Variants in MAGI3 observed in about 807,000 individuals in gnomAD.
MAGI3 encodes the protein membrane associated guanylate kinase, WW and PDZ domain containing 3.
A neutral mutation model predicts 121.8 loss-of-function variants in MAGI3; 43 were observed. The ratio of observed to expected loss-of-function variants is 0.35; its 90% CI spans 0.28 to 0.46. MAGI3 has a LOEUF of 0.46. MAGI3 is among the 20% of genes least tolerant of loss of function. The pLI is 1.00. For synonymous variants in MAGI3, 553 were observed against 639.3 expected, an observed-to-expected ratio of 0.86 and a Z score of 2.04; for missense variants, 1,547 against 1,797.3, an observed-to-expected ratio of 0.86 and a Z score of 2.52.
chr1:113,631,102 G>A (rs1046241347), intron 9 of MAGI3, among the ~76,000 whole-genome samples: 4 of 152,106 alleles, frequency 2.6e-5, no homozygotes, highest in Admixed American at 2.0e-4. Flanking sequence ...CTTGTGACAG[G>A]GGAGCACTGA....
intron 2 of MAGI3, among the ~76,000 whole-genome samples, chr1:113,575,603 C>T (rs1447230583): frequency 6.6e-6 from 1 of 152,204 alleles, no homozygotes; most frequent in South Asian, 2.1e-4. Flanking sequence ...CCAGCCAGAG[C>T]TCTCCTGTAT....
At chr1:113,578,505 T>G (rs1180666618) in intron 2 of MAGI3, among the ~76,000 whole-genome samples, 1 of 152,088 alleles carries the variant, frequency 6.6e-6, no homozygotes, top group Non-Finnish European at 1.5e-5. Flanking sequence ...ACTGCATCCT[T>G]CAACTCCTGG....
At chr1:113,508,688 A>G (rs1657465819) in intron 1 of MAGI3, among the ~76,000 whole-genome samples, 1 of 152,208 alleles carries the variant, frequency 6.6e-6, no homozygotes, top group South Asian at 2.1e-4. Flanking sequence ...TTGTTCTTTT[A>G]AATGTACCTA....
rs151013061 is a variant in MAGI3 at position 113,504,066 on chromosome 1, T to A, written c.317-45449T>A. ...AGTAAAAAACTAGAAAAGAACCAGATGTTAGAAAGGAGATTTCTTAACAAA... is the reference window on the plus strand; with the variant it reads ...AGTAAAAAACTAGAAAAGAACCAGAAGTTAGAAAGGAGATTTCTTAACAAA... On this transcript the variant is annotated intron_variant, in intron 1 of 20. Coordinates refer to ENST00000307546, the MANE Select transcript of MAGI3 (RefSeq NM_001142782.2). Among the ~76,000 whole-genome samples the A allele has an allele frequency of 7.2e-5, 11 of 152,178 alleles. No homozygotes were observed. The East Asian group carries it at 2.1e-3, about 29-fold the overall frequency.
intron 1 of MAGI3, among the ~76,000 whole-genome samples, chr1:113,468,672 A>T (rs896801864): frequency 2.0e-5 from 3 of 152,210 alleles, no homozygotes; most frequent in African/African-American, 7.2e-5. Flanking sequence ...TATAAAAAAG[A>T]ATGAATTTGT....
chr1:113,583,463 A>T (rs193193057), intron 3 of MAGI3, among the ~76,000 whole-genome samples: 2 of 152,220 alleles, frequency 1.3e-5, no homozygotes, highest in East Asian at 1.9e-4. Flanking sequence ...CCCTTAGAAA[A>T]AGGTTAAATT....
At chr1:113,420,921 A>G (rs1367497033) in intron 1 of MAGI3, among the ~76,000 whole-genome samples, 6 of 152,188 alleles carry the variant, frequency 3.9e-5, no homozygotes, top group Admixed American at 2.0e-4. Flanking sequence ...GAGAGCTGAA[A>G]AAGTTTATGT....
chr1:113,458,438 C>T (rs190369794), intron 1 of MAGI3, among the ~76,000 whole-genome samples: 1 of 152,142 alleles, frequency 6.6e-6, no homozygotes, highest in Non-Finnish European at 1.5e-5. Context: ...CTCTCAGTAT[C>T]CCCCGGAAGT....
Position 113,658,988 on chromosome 1 carries a change from T to A in MAGI3, c.2630-92T>A. 1 of 1,022,312 alleles carries A rather than the reference T, an allele frequency of 9.8e-7. No homozygotes were observed. The highest frequency in any genetic ancestry group is 1.6e-5 in the South Asian group (1 of 63,278). 63.3% of individuals were successfully genotyped at this position (1,022,312 alleles called of 1,614,324 possible). On this transcript the variant is annotated intron_variant, in intron 15 of 20. Coordinates refer to ENST00000307546, the MANE Select transcript of MAGI3 (RefSeq NM_001142782.2). This position sits in a 1 kb window ranked among gnomAD's most constrained non-coding sequence, Gnocchi z 4.0. The stretch of plus-strand genomic sequence containing the variant: ...TATGTTTTTAAATAATTTTCTTTGA[T>A]GTTATGTTGAATTTTAAATGACGTT...
At chr1:113,560,788 A>C (rs1371980888) in intron 2 of MAGI3, among the ~76,000 whole-genome samples, 1 of 152,214 alleles carries the variant, frequency 6.6e-6, no homozygotes, top group African/African-American at 2.4e-5. Context: ...TGAAGCAGAC[A>C]GAGACATGAA....
rs1431538668 is a variant in MAGI3 at position 113,642,272 on chromosome 1, T to C, written c.1722T>C (p.Pro574=). Residue 574 remains proline, a synonymous_variant, in exon 10 of 21, where the codon CCT becomes CCC. Transcript: ENST00000307546. ...TGGCATCGTCAGGCAGCTCCCAGCC[T>C]GAACTAGTGACTATCCCTTTGATTA... ...VSMASSGSSQ[P]ELVTIPLIKG... The C allele has an allele frequency of 1.9e-6, 3 of 1,614,100 alleles. No individual in the cohort carries two copies. The African/African-American group carries it at 4.0e-5, about 22-fold the overall frequency.
intron 1 of MAGI3, among the ~76,000 whole-genome samples, chr1:113,463,236 G>C (rs1655117422): frequency 6.6e-6 from 1 of 151,762 alleles, no homozygotes; most frequent in Non-Finnish European, 1.5e-5. Flanking sequence ...GAGAGGTCTA[G>C]ACTAGAGGTT....
At chr1:113,670,114 G>C (rs995424665) in intron 16 of MAGI3, among the ~76,000 whole-genome samples, 1 of 151,428 alleles carries the variant, frequency 6.6e-6, no homozygotes, top group Non-Finnish European at 1.5e-5. Flanking sequence ...TTCTGGTCCA[G>C]AGGTTGGTTC....
chr1:113,472,680 ATG>A (rs942354553), intron 1 of MAGI3, among the ~76,000 whole-genome samples: 3 of 141,756 alleles, frequency 2.1e-5, no homozygotes, highest in East Asian at 2.1e-4. Flanking sequence ...GTGTGTGTGT[ATG>A]TGTGTGTGTG....
intron 1 of MAGI3, chr1:113,403,687 A>C (rs1181634147): frequency 6.6e-6 from 1 of 152,170 alleles, no homozygotes; most frequent in Non-Finnish European, 1.5e-5. Context: ...TGACATGTTC[A>C]TGACCTTGTG....
intron 8 of MAGI3, among the ~76,000 whole-genome samples, chr1:113,620,552 GTCC>G (rs1322269730): frequency 6.6e-6 from 1 of 152,090 alleles, no homozygotes; most frequent in Non-Finnish European, 1.5e-5. Context: ...CAAAAACATC[GTCC>G]TCCTCCTAAA....
At position 113,615,128 on chromosome 1, in the gene MAGI3, A is replaced by G. The variant is rs146924431; in HGVS notation, c.1076+470A>G. Among the ~76,000 whole-genome samples, 759 of 152,288 alleles carry G rather than the reference A, an allele frequency of 5.0e-3. 4 individuals are homozygous for G. The highest frequency in any genetic ancestry group is 0.018 in the African/African-American group (731 of 41,560). On this transcript the variant is annotated intron_variant, in intron 7 of 20. Transcript: ENST00000307546. ...AGGAGTTATTCAAGGAAAACTTAGTATTCTTTTTAGGGGTGAAAGTTGCTT... is the reference window on the plus strand; with the variant it reads ...AGGAGTTATTCAAGGAAAACTTAGTGTTCTTTTTAGGGGTGAAAGTTGCTT...
In MAGI3 at chr1:113,422,777, G is replaced by A. The variant is rs369237587; in HGVS notation, c.316+31428G>A. On this transcript the variant is annotated intron_variant, in intron 1 of 20. Transcript: ENST00000307546. This position sits in a 1 kb window ranked among gnomAD's most constrained non-coding sequence, Gnocchi z 4.3. ...GTGGCGAGTGGGGGAGGCATGTTTCGGGGGGCATGTTTTGGCCCAATTGTG... is the reference window on the plus strand; with the variant it reads ...GTGGCGAGTGGGGGAGGCATGTTTCAGGGGGCATGTTTTGGCCCAATTGTG... Among the ~76,000 whole-genome samples, 17 of 152,260 alleles carry A rather than the reference G, an allele frequency of 1.1e-4. No individual in the cohort carries two copies. In the South Asian group the frequency reaches 1.2e-3, roughly 11 times the overall value.
chr1:113,644,235 A>G (rs1017417110), intron 11 of MAGI3, among the ~76,000 whole-genome samples: 1 of 152,108 alleles, frequency 6.6e-6, no homozygotes, highest in Non-Finnish European at 1.5e-5. Context: ...TAATCTTCTT[A>G]CTTTTAAGAC....
Sources: gnomAD v4.1 joint callset for allele counts (sites outside exome capture counted in the v4.1 genomes callset) on GRCh38, gnomAD v4.1.1 for gene constraint, Gnocchi (gnomAD v3.1) non-coding constraint, MANE v1.5 for transcripts, NCBI Gene and HGNC (gene_info 2026-07-23, HGNC 2026-07-21) for gene names.